TM7SF3: variants seen among roughly 807,000 people sequenced by gnomAD.
TM7SF3 encodes transmembrane 7 superfamily member 3, also known as seven span transmembrane protein.
In TM7SF3, 60 loss-of-function variants were observed where a neutral mutation model predicts 65.5. That is an observed-to-expected ratio of 0.92 (90% confidence interval 0.74 to 1.14). TM7SF3 has a LOEUF of 1.14. Ranked by LOEUF, TM7SF3 falls within the 50% of genes most tolerant of loss-of-function variation. The probability of loss-of-function intolerance (pLI) is 0.00; values close to 1 mark genes in which losing one functional copy is unlikely to be tolerated. For synonymous variants in TM7SF3, 264 were observed against 259.6 expected, an observed-to-expected ratio of 1.02 and a Z score of -0.16; for missense variants, 623 against 684.8, an observed-to-expected ratio of 0.91 and a Z score of 1.01.
chr12:26,984,567 C>A (rs1939961452), intron 6 of TM7SF3, among the ~76,000 whole-genome samples: 1 of 151,964 alleles, frequency 6.6e-6, no homozygotes, highest in Non-Finnish European at 1.5e-5. Context: ...ATTAAATTTG[C>A]TGGGATGATT....
chr12:27,005,883 T>A (rs1418324119), intron 1 of TM7SF3, among the ~76,000 whole-genome samples: 1 of 145,104 alleles, frequency 6.9e-6, no homozygotes, highest in African/African-American at 2.6e-5. Flanking sequence ...TCACTGAAAT[T>A]TCCACCTCCA....
intron 6 of TM7SF3, chr12:26,983,343 C>T (rs1048731107): frequency 1.6e-5 from 5 of 321,204 alleles, no homozygotes; most frequent in South Asian, 2.7e-5. Context: ...TTCAAACAAA[C>T]TGTGGAAAAC....
intron 1 of TM7SF3, among the ~76,000 whole-genome samples, chr12:27,009,790 G>A (rs1235560474): frequency 6.6e-6 from 1 of 152,148 alleles, no homozygotes; most frequent in Non-Finnish European, 1.5e-5. Flanking sequence ...GTTTAGCTGG[G>A]TTTGAGAACT....
intron 5 of TM7SF3, among the ~76,000 whole-genome samples, chr12:26,994,571 T>G (rs550696387): frequency 1.3e-5 from 2 of 152,172 alleles, no homozygotes; most frequent in East Asian, 1.9e-4. Flanking sequence ...GGTCTCAAAC[T>G]CCTGACCTCA....
chr12:27,011,027 T>G (rs1220293925), intron 1 of TM7SF3, among the ~76,000 whole-genome samples: 4 of 152,246 alleles, frequency 2.6e-5, no homozygotes, highest in African/African-American at 9.6e-5. Flanking sequence ...AGCCTAGTCT[T>G]CATAATTCTC....
Position 26,980,106 on chromosome 12 carries a change from G to C in TM7SF3, c.1037-170C>G. The C allele has an allele frequency of 4.1e-6, 3 of 734,482 alleles. 1 individual carries two copies. The highest frequency in any genetic ancestry group is 3.8e-5 in the South Asian group (2 of 53,250). The allele number at this position is 734,482 out of a possible 1,614,324, so 45.5% of individuals were successfully genotyped here. ...CATAGAGCAACCCTCTCTAGGGAGG[G>C]GTCTGGGCTGAGACAAGGAAATTAG... On this transcript the variant is annotated intron_variant, in intron 8 of 11. Transcript: ENST00000343028.
chr12:26,993,240 C>T (rs1479789992), intron 5 of TM7SF3, among the ~76,000 whole-genome samples: 2 of 152,048 alleles, frequency 1.3e-5, no homozygotes, highest in Non-Finnish European at 2.9e-5. Context: ...CCTTCTTACC[C>T]AAGATCAAAC....
chr12:26,990,240 T>C (rs1940288718), intron 6 of TM7SF3, among the ~76,000 whole-genome samples: 1 of 152,246 alleles, frequency 6.6e-6, no homozygotes, highest in Admixed American at 6.5e-5. Flanking sequence ...TTTATAAATT[T>C]ATCTTGTCTG....
intron 5 of TM7SF3, among the ~76,000 whole-genome samples, chr12:26,992,666 C>T (rs185676615): frequency 1.3e-3 from 193 of 152,238 alleles, no homozygotes; most frequent in African/African-American, 4.4e-3. Context: ...TAGCTATTAC[C>T]CGTGTGGTTA....
chr12:26,993,486 G>A (rs1474471708), intron 5 of TM7SF3, among the ~76,000 whole-genome samples: 5 of 152,192 alleles, frequency 3.3e-5, no homozygotes, highest in African/African-American at 1.2e-4. Context: ...AGGTGATGGT[G>A]ATAATGTCAG....
At chr12:27,007,409 T>C (rs1229475348) in intron 1 of TM7SF3, among the ~76,000 whole-genome samples, 1 of 152,190 alleles carries the variant, frequency 6.6e-6, no homozygotes, top group East Asian at 1.9e-4. Flanking sequence ...TGATTTTTTT[T>C]CTTTTCATTA....
At chr12:27,006,140 C>CT (rs71437315) in intron 1 of TM7SF3, among the ~76,000 whole-genome samples, 8,279 of 122,086 alleles carry the variant, frequency 0.068, 424 homozygotes, top group African/African-American at 0.09. Context: ...TTTTCTTTTT[C>CT]TTTTTTTTTT....
intron 6 of TM7SF3, among the ~76,000 whole-genome samples, chr12:26,989,529 TAGAG>T (rs1565875455): frequency 6.6e-6 from 1 of 151,912 alleles, no homozygotes; most frequent in African/African-American, 2.4e-5. Context: ...CAATTGCATA[TAGAG>T]AGAGAAGAAG....
chr12:27,003,049 C>T (rs540903441), intron 2 of TM7SF3, among the ~76,000 whole-genome samples, 187 bp downstream of exon 2: 62 of 152,290 alleles, frequency 4.1e-4, no homozygotes, highest in African/African-American at 1.5e-3. Context: ...GAGACTGCCA[C>T]ACTCAAGAAA....
At chr12:26,998,216 T>G (rs1022660067) in intron 3 of TM7SF3, among the ~76,000 whole-genome samples, 1 of 152,184 alleles carries the variant, frequency 6.6e-6, no homozygotes, top group African/African-American at 2.4e-5. Flanking sequence ...CCTCAGGAGT[T>G]ATTATCCACC....
At chr12:26,978,132 T>C in intron 9 of TM7SF3, 1 of 431,352 alleles carries the variant, frequency 2.3e-6, no homozygotes, top group South Asian at 1.7e-5. Flanking sequence ...CCACTAGCAT[T>C]GAGGAGATGA....
At chr12:26,983,739 TATA>T in intron 6 of TM7SF3, 1 of 279,806 alleles carries the variant, frequency 3.6e-6, no homozygotes, top group Middle Eastern at 9.2e-4. Flanking sequence ...AGTTATTTAT[TATA>T]ATATTTATTA....
chr12:27,003,275 T>C lies in TM7SF3; in HGVS notation c.207A>G (p.Ile69Met). ...CAGTTGTATTCTGATACTGTGAGTG[T>C]ATTTGGAAAATAAGAAAAGTCACAT... is the stretch of plus-strand genomic sequence containing the variant. Reference protein sequence around the residue: ...SSNVTFLIFQIHSQYQNTTVS... With the variant: ...SSNVTFLIFQMHSQYQNTTVS... Residue 69 changes from isoleucine to methionine, a missense_variant, in exon 2 of 12, where the codon ATA becomes ATG. Physicochemically the swap from Ile to Met is conservative, Grantham distance 10. Transcript: ENST00000343028. 6.2e-7 allele frequency: 1 copy of C among 1,613,206 alleles called. No homozygotes were observed. The highest frequency in any genetic ancestry group is 1.7e-5 in the Admixed American group (1 of 60,008).
intron 3 of TM7SF3, among the ~76,000 whole-genome samples, chr12:26,999,151 C>T (rs2136432341): frequency 6.6e-6 from 1 of 152,280 alleles, no homozygotes; most frequent in Non-Finnish European, 1.5e-5. Flanking sequence ...AATCCCAGCA[C>T]TTTGGGAGGC....
Sources: allele counts gnomAD v4.1 joint callset (sites outside exome capture counted in the v4.1 genomes callset), GRCh38; gene constraint gnomAD v4.1.1; transcripts MANE v1.5; gene names NCBI Gene and HGNC (gene_info 2026-07-23, HGNC 2026-07-21).